Variants in ABR observed in about 807,000 individuals in gnomAD.
ABR encodes the protein ABR activator of RhoGEF and GTPase, also known as active breakpoint cluster region-related protein.
A neutral mutation model predicts 107.2 loss-of-function variants in ABR; 35 were observed. The ratio of observed to expected loss-of-function variants is 0.33; its 90% CI spans 0.25 to 0.43. ABR has a LOEUF of 0.43. ABR is among the 20% of genes least tolerant of loss of function. The pLI is 1.00. For synonymous variants in ABR, 498 were observed against 462.0 expected (o/e 1.08, Z -1.00); for missense variants, 815 against 1,115.2 (o/e 0.73, Z 3.83).
Position 1,058,165 on chromosome 17 carries a change from G to A in ABR, c.1306-120C>T, listed in dbSNP as rs1195256706. On this transcript the variant is annotated intron_variant, in intron 11 of 22. Coordinates refer to ENST00000302538, the MANE Select transcript of ABR (RefSeq NM_021962.5). Reference sequence around the variant, plus strand: ...TTTTTTTTTTTTTTTTTGAGACAGAGTCTCGCTCTTGTTGCCCAGGCTCTA... The same window carrying A: ...TTTTTTTTTTTTTTTTTGAGACAGAATCTCGCTCTTGTTGCCCAGGCTCTA... 35 of 493,632 alleles carry A rather than the reference G, an allele frequency of 7.1e-5. 1 individual carries two copies. The highest frequency in any genetic ancestry group is 1.3e-3 in the Middle Eastern group (2 of 1,578). 30.6% of individuals were successfully genotyped at this position (493,632 alleles called of 1,614,324 possible).
At chr17:1,219,171 T>G (rs2043068804) in intron 1 of ABR, among the ~76,000 whole-genome samples, 1 of 151,988 alleles carries the variant, frequency 6.6e-6, no homozygotes, top group South Asian at 2.1e-4. Context: ...GCCTCTCGAG[T>G]AGCTGGGATT....
At chr17:1,012,030 G>C (rs1358326998) in intron 18 of ABR, 45 bp from the exon 19 acceptor site, 1 of 1,607,444 alleles carries the variant, frequency 6.2e-7, no homozygotes, top group Non-Finnish European at 8.5e-7. Context: ...CCCCACGACA[G>C]CTCTCCCGTA....
At chr17:1,113,827 C>T (rs1381374312) in intron 2 of ABR, among the ~76,000 whole-genome samples, 1 of 152,172 alleles carries the variant, frequency 6.6e-6, no homozygotes, top group Non-Finnish European at 1.5e-5. Context: ...CAGAGGGAGC[C>T]TCTAAGAGTT....
At chr17:1,048,435 C>A (rs572619872) in intron 16 of ABR, among the ~76,000 whole-genome samples, 1 of 152,264 alleles carries the variant, frequency 6.6e-6, no homozygotes, top group Non-Finnish European at 1.5e-5. Context: ...ATACCAAACT[C>A]GGTGGCCATG....
intron 1 of ABR, among the ~76,000 whole-genome samples, chr17:1,134,440 A>T (rs71358540): frequency 0.57 from 86,359 of 151,318 alleles, 24,806 homozygotes; most frequent in East Asian, 0.66. Flanking sequence ...TAATTAAATT[A>T]AATTAAATAA....
chr17:1,111,559 C>T (rs981767742), intron 2 of ABR, among the ~76,000 whole-genome samples: 1 of 152,240 alleles, frequency 6.6e-6, no homozygotes, highest in South Asian at 2.1e-4. Flanking sequence ...CAAAGGCCCC[C>T]CCAAACGGTT....
chr17:1,033,707 C>G (rs1408249457), intron 16 of ABR, among the ~76,000 whole-genome samples: 1 of 152,204 alleles, frequency 6.6e-6, no homozygotes. Flanking sequence ...GGAACTTCCT[C>G]AAACCTGAGC....
chr17:1,214,305 C>A (rs975631745), intron 1 of ABR, among the ~76,000 whole-genome samples: 3 of 149,098 alleles, frequency 2.0e-5, no homozygotes, highest in African/African-American at 7.4e-5. Context: ...TGGCTTTCAT[C>A]AGTTTTTGGA....
chr17:1,099,995 G>A lies in ABR; in HGVS notation c.345+642C>T, dbSNP rs138825300. 1.7e-4 allele frequency among the ~76,000 whole-genome samples: 26 copies of A among 152,178 alleles called. 1 individual carries two copies. Among genetic ancestry groups the A allele is most frequent in the Admixed American group, 4.6e-4 (7 of 15,282 alleles). On this transcript the variant is annotated intron_variant, in intron 3 of 22. Coordinates refer to ENST00000302538, the MANE Select transcript of ABR (RefSeq NM_021962.5). ...ACAAAAATTAGCCAGGACTGGTGGCGTGCACGTGCAATTCCAGCCACTCGG... is the reference window on the plus strand; with the variant it reads ...ACAAAAATTAGCCAGGACTGGTGGCATGCACGTGCAATTCCAGCCACTCGG...
rs966143645 is a variant in ABR at position 1,175,144 on chromosome 17, G to T, written c.61+4523C>A. On this transcript the variant is annotated intron_variant, in intron 1 of 22. Transcript: ENST00000302538. ...CAAGAAAACATGGCCGGGCGCAGGGGCTCACGCCTGTCATCCCAGCACTTT... is the reference window on the plus strand; with the variant it reads ...CAAGAAAACATGGCCGGGCGCAGGGTCTCACGCCTGTCATCCCAGCACTTT... 1.0e-3 allele frequency among the ~76,000 whole-genome samples: 154 copies of T among 152,384 alleles called. 2 individuals carry two copies. Among genetic ancestry groups the T allele is most frequent in the Middle Eastern group, 6.8e-3 (2 of 294 alleles).
rs144188339 is a variant in ABR at position 1,051,056 on chromosome 17, C to G, written c.1562-422G>C. On this transcript the variant is annotated intron_variant, in intron 14 of 22. Coordinates refer to ENST00000302538, the MANE Select transcript of ABR (RefSeq NM_021962.5). This position sits in a 1 kb window ranked among gnomAD's most constrained non-coding sequence, Gnocchi z 4.3. ...TGACCGCCCTGGAGCCACCTCTCCC[C>G]GTAACATGGGTGCCCAGGCCTCAAC... is the stretch of plus-strand genomic sequence containing the variant. 6.6e-6 allele frequency among the ~76,000 whole-genome samples: 1 copy of G among 152,142 alleles called. No individual in the cohort carries two copies. The highest frequency in any genetic ancestry group is 1.5e-5 in the Non-Finnish European group (1 of 68,024).
rs970946808 is a variant in ABR at position 1,163,265 on chromosome 17, A to G, written c.61+16402T>C. On this transcript the variant is annotated intron_variant, in intron 1 of 22. Transcript: ENST00000302538. ...CTAACGTTAGCTATTATCACTGGCC[A>G]CTCTGCATCAATCGCATCGTGATTT... Among the ~76,000 whole-genome samples the G allele has an allele frequency of 7.2e-5, 11 of 152,232 alleles. No individual in the cohort carries two copies. The East Asian group carries it at 1.2e-3, about 16-fold the overall frequency.
At chr17:1,153,619 GGTCC>G (rs2040906227) in intron 1 of ABR, among the ~76,000 whole-genome samples, 2 of 93,606 alleles carry the variant, frequency 2.1e-5, no homozygotes, top group Non-Finnish European at 5.1e-5. Flanking sequence ...GAGGGCTGGG[GGTCC>G]AGGCACACCT....
chr17:1,153,514 C>G (rs1241525126), intron 1 of ABR, among the ~76,000 whole-genome samples: 11 of 116,830 alleles, frequency 9.4e-5, no homozygotes, highest in Non-Finnish European at 5.1e-5. Context: ...TCCAGGCACA[C>G]CTGCGGGGAG....
At chr17:1,108,803 G>T in intron 2 of ABR, 1 of 1,140,264 alleles carries the variant, frequency 8.8e-7, no homozygotes, top group Non-Finnish European at 1.1e-6. Flanking sequence ...AACAGCTGCC[G>T]GGGCCGGGAC....
At chr17:1,112,281 G>A (rs1274130020) in intron 2 of ABR, among the ~76,000 whole-genome samples, 2 of 152,242 alleles carry the variant, frequency 1.3e-5, no homozygotes, top group East Asian at 3.8e-4. Flanking sequence ...GAACACACGA[G>A]GCAGTGTTCT....
intron 16 of ABR, among the ~76,000 whole-genome samples, chr17:1,047,434 G>T (rs1002828869): frequency 1.3e-5 from 2 of 152,228 alleles, no homozygotes; most frequent in Admixed American, 1.3e-4. Context: ...CAGTCACGGG[G>T]CGAGACTTTC....
chr17:1,179,977 T>G lies in ABR; in HGVS notation c.-250A>C, dbSNP rs1169984340. 56 of 159,544 alleles carry G rather than the reference T, an allele frequency of 3.5e-4. No individual in the cohort carries two copies. The highest frequency in any genetic ancestry group is 1.5e-3 in the African/African-American group (51 of 34,386). The allele number at this position is 159,544 out of a possible 1,614,324, so 9.9% of individuals were successfully genotyped here. On this transcript the variant is annotated 5_prime_UTR_variant, in exon 1 of 23. Transcript: ENST00000302538. The surrounding 1 kb of genome is among the most constrained non-coding windows in gnomAD (Gnocchi z 4.9). ...GCCCAGCTGCGGATCCCGGAACCGA[T>G]GAGCAACTTCGCGGGGGGCGGGGCG... is the stretch of plus-strand genomic sequence containing the variant.
intron 2 of ABR, among the ~76,000 whole-genome samples, chr17:1,102,850 A>ACAGGCGTCCACCATCACAC (rs2037994685): frequency 6.6e-6 from 1 of 152,076 alleles, no homozygotes; most frequent in Non-Finnish European, 1.5e-5. Flanking sequence ...ACCTGGGATT[A>ACAGGCGTCCACCATCACAC]CAGGCGTCCA....
Sources: allele counts gnomAD v4.1 joint callset (sites outside exome capture counted in the v4.1 genomes callset), GRCh38; gene constraint gnomAD v4.1.1; non-coding constraint Gnocchi (gnomAD v3.1); transcripts MANE v1.5; gene names NCBI Gene and HGNC (gene_info 2026-07-23, HGNC 2026-07-21).